Variants in MYLK observed in about 807,000 individuals in gnomAD.
MYLK encodes myosin light chain kinase, smooth muscle.
A neutral mutation model predicts 203.4 loss-of-function variants in MYLK; 106 were observed. The observed-to-expected ratio is 0.52, with a 90% CI of 0.45 to 0.61. MYLK has a LOEUF of 0.61. MYLK is among the 20% of genes least tolerant of loss of function. MYLK has a pLI of 0.00. For synonymous variants in MYLK, 867 were observed against 959.5 expected (o/e 0.90, Z 1.78); for missense variants, 2,072 against 2,442.3 (o/e 0.85, Z 3.20).
Position 123,614,327 on chromosome 3 carries a change from G to A in MYLK, c.5523C>T (p.Val1841=). The A allele has an allele frequency of 6.2e-7, 1 of 1,614,176 alleles. No homozygotes were observed. Among genetic ancestry groups the A allele is most frequent in the South Asian group, 1.1e-5 (1 of 91,082 alleles). Residue 1841 remains valine (V), a synonymous_variant, in exon 34 of 34, where the codon GTC becomes GTT. Coordinates refer to ENST00000360304, the MANE Select transcript of MYLK (RefSeq NM_053025.4). ...KIEGYPDPEV[V]WFKDDQSIRE... ...TGATTGACTGGTCATCTTTGAACCAGACAACCTCGGGGTCTGGGTATCCTG... is the reference window on the plus strand; with the variant it reads ...TGATTGACTGGTCATCTTTGAACCAAACAACCTCGGGGTCTGGGTATCCTG...
intron 11 of MYLK, among the ~76,000 whole-genome samples, chr3:123,732,546 C>T (rs183049464): frequency 1.3e-5 from 2 of 152,278 alleles, no homozygotes; most frequent in African/African-American, 2.4e-5. Flanking sequence ...CACATCATCT[C>T]ACATTACTCT....
chr3:123,755,477 G>T (rs80163656), intron 4 of MYLK, among the ~76,000 whole-genome samples: 4,323 of 152,318 alleles, frequency 0.028, 202 homozygotes, highest in African/African-American at 0.096. Context: ...TAAGAAAGTT[G>T]CAGTTCACTA....
rs746172421 is a variant in MYLK at position 123,708,862 on chromosome 3, T to C, written c.1976A>G (p.Asn659Ser). The C allele has an allele frequency of 1.2e-6, 2 of 1,614,036 alleles. No individual in the cohort carries two copies. The highest frequency in any genetic ancestry group is 1.7e-6 in the Non-Finnish European group (2 of 1,179,978). The change falls in exon 15 of 34, where the codon AAT (asparagine) becomes AGT (serine). Residue 659 changes from asparagine (N) to serine (S), a missense_variant. This residue lies in a region of MYLK where 865 missense variants were observed against 1,016.0 expected (regional missense o/e 0.85). Transcript: ENST00000360304. Reference sequence around the variant, plus strand: ...CTCTGACTCTTGGATCTCATTCCCATTGTGCAGCCAGATGACTTCAGGGGG... The same window carrying C: ...CTCTGACTCTTGGATCTCATTCCCACTGTGCAGCCAGATGACTTCAGGGGG... ...NPPPEVIWLH[N>S]GNEIQESEDF...
At chr3:123,792,101 G>A (rs1262594436) in intron 4 of MYLK, among the ~76,000 whole-genome samples, 3 of 152,136 alleles carry the variant, frequency 2.0e-5, no homozygotes, top group Admixed American at 6.5e-5. Context: ...GTTCCAAATC[G>A]AGTCACTCAA....
chr3:123,758,318 G>GCA (rs2063424931), intron 4 of MYLK, among the ~76,000 whole-genome samples: 1 of 152,188 alleles, frequency 6.6e-6, no homozygotes, highest in Non-Finnish European at 1.5e-5. Flanking sequence ...ATCAGGAAGA[G>GCA]ACCATACCAA....
intron 20 of MYLK, among the ~76,000 whole-genome samples, chr3:123,679,264 G>A (rs1351935178): frequency 4.1e-5 from 6 of 145,982 alleles, no homozygotes; most frequent in African/African-American, 1.3e-4. Flanking sequence ...CGGAGATCGC[G>A]CCACTGCACT....
intron 1 of MYLK, among the ~76,000 whole-genome samples, chr3:123,882,196 G>C: frequency 6.6e-6 from 1 of 152,076 alleles, no homozygotes; most frequent in Admixed American, 6.5e-5. Flanking sequence ...AGAGGTGGGC[G>C]ATCACTTGAG....
chr3:123,841,827 G>A (rs2066598514), intron 2 of MYLK, among the ~76,000 whole-genome samples: 1 of 152,124 alleles, frequency 6.6e-6, no homozygotes, highest in Admixed American at 6.5e-5. Flanking sequence ...TTGTACCCAA[G>A]GAGCTAATCA....
chr3:123,810,349 T>TGGAACGA (rs1313266203), intron 3 of MYLK, among the ~76,000 whole-genome samples: 4 of 152,268 alleles, frequency 2.6e-5, no homozygotes, highest in Admixed American at 1.3e-4. Context: ...GGCCACTCTC[T>TGGAACGA]GGAACGAAGA....
chr3:123,613,976 C>A lies in MYLK; in HGVS notation c.*129G>T. ...AACTGCTGTTTCTGAAGAATCAACC[C>A]ACAAATGACCTAACCGATAATCTAT... On this transcript the variant is annotated 3_prime_UTR_variant, in exon 34 of 34. Transcript: ENST00000360304. 8.5e-7 allele frequency: 1 copy of A among 1,183,048 alleles called. No homozygotes were observed. 73.3% of individuals were successfully genotyped at this position (1,183,048 alleles called of 1,614,324 possible).
chr3:123,719,175 C>G (rs1452608559), intron 13 of MYLK, among the ~76,000 whole-genome samples: 1 of 152,238 alleles, frequency 6.6e-6, no homozygotes, highest in Non-Finnish European at 1.5e-5. Context: ...GAAAGAGCCC[C>G]TGCATCTGGC....
chr3:123,777,275 G>C (rs1043791274), intron 4 of MYLK, among the ~76,000 whole-genome samples: 1 of 152,206 alleles, frequency 6.6e-6, no homozygotes, highest in Admixed American at 6.5e-5. Flanking sequence ...CTCAGCTATG[G>C]GGCCTAGAGA....
In MYLK at chr3:123,647,269, A is replaced by G; in HGVS notation, c.4574T>C (p.Val1525Ala). The change falls in exon 27 of 34, where the codon GTG becomes GCG. Residue 1525 changes from valine to alanine, a missense_variant. Transcript: ENST00000360304. Reference protein sequence around the residue: ...CLHHPKLVQCVDAFEEKANIV... With the variant: ...CLHHPKLVQCADAFEEKANIV... ...GTTGGCCTTTTCTTCAAAGGCATCC[A>G]CACACTGGACCAGCTTAGGGTGGTG... 1 of 1,614,238 alleles carries G rather than the reference A, an allele frequency of 6.2e-7. No individual in the cohort carries two copies. The highest frequency in any genetic ancestry group is 8.5e-7 in the Non-Finnish European group (1 of 1,180,036).
rs762911672 is a variant in MYLK at position 123,709,982 on chromosome 3, T to G, written c.1805-89A>C. On this transcript the variant is annotated intron_variant, in intron 13 of 33. Transcript: ENST00000360304. ...AATGACCACTTGGTACATGACTGTG[T>G]TGATGCTCAGTTCCCACCAGAAACT... 744 of 1,550,408 alleles carry G rather than the reference T, an allele frequency of 4.8e-4. 2 individuals carry two copies. The highest frequency in any genetic ancestry group is 6.1e-4 in the Non-Finnish European group (690 of 1,131,436).
intron 2 of MYLK, among the ~76,000 whole-genome samples, chr3:123,836,597 C>T (rs1474925829): frequency 6.6e-6 from 1 of 152,146 alleles, no homozygotes; most frequent in Non-Finnish European, 1.5e-5. Flanking sequence ...TGGTAGGCTA[C>T]CACATGATGT....
At chr3:123,812,787 T>A (rs1236186948) in intron 3 of MYLK, among the ~76,000 whole-genome samples, 1 of 152,224 alleles carries the variant, frequency 6.6e-6, no homozygotes, top group Admixed American at 6.5e-5. Flanking sequence ...CCCACTGAGC[T>A]GAGGCTGTCT....
chr3:123,682,151 G>T, intron 20 of MYLK, 73 bp downstream of exon 20: 1 of 1,215,028 alleles, frequency 8.2e-7, no homozygotes, highest in East Asian at 2.5e-5. Flanking sequence ...TGGGGGCTCT[G>T]AGGCTGCCCT....
intron 5 of MYLK, among the ~76,000 whole-genome samples, chr3:123,740,685 A>G (rs1159971851): frequency 6.6e-6 from 1 of 152,220 alleles, no homozygotes; most frequent in African/African-American, 2.4e-5. Flanking sequence ...AGGCGCTGCT[A>G]TGCTGGACAC....
At chr3:123,796,622 T>C (rs1577003805) in intron 3 of MYLK, among the ~76,000 whole-genome samples, 1 of 152,214 alleles carries the variant, frequency 6.6e-6, no homozygotes, top group African/African-American at 2.4e-5. Context: ...ACGGATGATA[T>C]GACCTGAACA....
Sources: gnomAD v4.1 joint callset for allele counts (sites outside exome capture counted in the v4.1 genomes callset) on GRCh38, gnomAD v4.1.1 for gene constraint, gnomAD v4.1.1 regional missense constraint, MANE v1.5 for transcripts, NCBI Gene and HGNC (gene_info 2026-07-23, HGNC 2026-07-21) for gene names.